CLIC5: variants seen among roughly 807,000 people sequenced by gnomAD.
The protein encoded by CLIC5 is CLIC family member 5, also known as chloride intracellular channel protein 5.
Under a neutral mutation model 24.7 loss-of-function variants are expected in CLIC5, and 20 were observed. The observed-to-expected ratio is 0.81, with a 90% CI of 0.57 to 1.18. The LOEUF is 1.18. Among genes scored for constraint, CLIC5 ranks in the 50% most tolerant of loss-of-function variants. CLIC5 has a pLI of 0.00. For missense variants in CLIC5, 341 were observed against 326.1 expected, an observed-to-expected ratio of 1.05 and a Z score of -0.35; for synonymous variants, 159 against 135.6, an observed-to-expected ratio of 1.17 and a Z score of -1.20.
At chr6:45,963,006 G>A (rs75180076) in intron 1 of CLIC5, among the ~76,000 whole-genome samples, 6 of 152,124 alleles carry the variant, frequency 3.9e-5, no homozygotes, top group Admixed American at 1.3e-4. Flanking sequence ...CATCACCACT[G>A]TCCCTTCTCC....
intron 1 of CLIC5, among the ~76,000 whole-genome samples, chr6:45,969,964 G>C (rs1765144092): frequency 6.6e-6 from 1 of 152,110 alleles, no homozygotes; most frequent in East Asian, 1.9e-4. Context: ...GTGATTGGGA[G>C]GATTAGGGGA....
chr6:46,004,857 T>C (rs1766493461), intron 1 of CLIC5, among the ~76,000 whole-genome samples: 1 of 152,088 alleles, frequency 6.6e-6, no homozygotes, highest in Non-Finnish European at 1.5e-5. Flanking sequence ...CCTGAGTCAT[T>C]TGTGACAAAG....
intron 4 of CLIC5, among the ~76,000 whole-genome samples, chr6:45,917,048 G>A (rs145790021): frequency 1.3e-5 from 2 of 152,188 alleles, no homozygotes; most frequent in African/African-American, 2.4e-5. Flanking sequence ...AAGCTTCAAG[G>A]TGTCTTGCTT....
chr6:46,107,588 A>C, the CLIC5 span, among the ~76,000 whole-genome samples: 1 of 152,248 alleles, frequency 6.6e-6, no homozygotes, highest in South Asian at 2.1e-4. Flanking sequence ...TCTGTATACA[A>C]AGTACATAAG....
At chr6:45,926,030 A>G (rs1763469911) in intron 4 of CLIC5, among the ~76,000 whole-genome samples, 2 of 152,068 alleles carry the variant, frequency 1.3e-5, no homozygotes, top group East Asian at 1.9e-4. Flanking sequence ...CAGAACATGG[A>G]TAACTATCAT....
Position 45,881,167 on chromosome 6 carries a change from C to CT in CLIC5, c.644dup (p.Ala217GlyfsTer4), listed in dbSNP as rs1172024983. On this transcript the variant is annotated frameshift_variant, in exon 7 of 7. Coordinates refer to the CLIC5 transcript ENST00000644324. LOFTEE classifies it low-confidence loss of function (END_TRUNC). ...TGCTTCTTCCTCTACTCCATGCCCC[C>CT]TTTTTTTCAACAAAAAGAAAGCTGA... is the stretch of plus-strand genomic sequence containing the variant. 2.3e-5 allele frequency: 9 copies of CT among 397,914 alleles called. No homozygotes were observed. The South Asian group carries it at 3.8e-4, about 17-fold the overall frequency. The allele number at this position is 397,914 out of a possible 1,614,324, so 24.6% of individuals were successfully genotyped here.
intron 1 of CLIC5, among the ~76,000 whole-genome samples, chr6:46,065,908 G>A (rs2127472296): frequency 6.6e-6 from 1 of 152,238 alleles, no homozygotes; most frequent in South Asian, 2.1e-4. Context: ...TTTAATGTAT[G>A]TAAATTATAT....
chr6:45,987,354 G>C (rs1257217190), intron 1 of CLIC5, among the ~76,000 whole-genome samples: 1 of 152,168 alleles, frequency 6.6e-6, no homozygotes, highest in African/African-American at 2.4e-5. Context: ...CTGCTAAACT[G>C]TGGTCTCCAT....
intron 4 of CLIC5, among the ~76,000 whole-genome samples, chr6:45,929,142 C>T (rs559236832): frequency 6.6e-6 from 1 of 152,246 alleles, no homozygotes; most frequent in East Asian, 1.9e-4. Context: ...CCCATGCCTG[C>T]CCCATTCAAC....
At chr6:46,098,594 G>A in the CLIC5 span, among the ~76,000 whole-genome samples, 13 of 152,178 alleles carry the variant, frequency 8.5e-5, no homozygotes, top group Admixed American at 2.6e-4. Flanking sequence ...TTGTGTTGGC[G>A]TTTCTTCCAC....
intron 1 of CLIC5, among the ~76,000 whole-genome samples, chr6:45,999,549 C>A (rs1766272216): frequency 6.6e-6 from 1 of 152,084 alleles, no homozygotes; most frequent in East Asian, 1.9e-4. Flanking sequence ...CACAGATCCA[C>A]TTATACATGG....
At chr6:46,112,735 G>A in the CLIC5 span, among the ~76,000 whole-genome samples, 2 of 152,136 alleles carry the variant, frequency 1.3e-5, no homozygotes, top group African/African-American at 4.8e-5. Context: ...GCATAAATGA[G>A]CTTATCAAGG....
At chr6:45,882,698 G>A (rs575709015) in intron 6 of CLIC5, among the ~76,000 whole-genome samples, 2 of 152,300 alleles carry the variant, frequency 1.3e-5, no homozygotes, top group East Asian at 1.9e-4. Flanking sequence ...AAATACTGTG[G>A]TGAGGTGATG....
chr6:46,027,348 A>G (rs577757380), intron 1 of CLIC5, among the ~76,000 whole-genome samples: 4 of 152,288 alleles, frequency 2.6e-5, no homozygotes, highest in Admixed American at 2.6e-4. Flanking sequence ...AGAGATGGGA[A>G]CAGCATGTAT....
At chr6:46,023,520 C>T (rs1203353929) in intron 1 of CLIC5, among the ~76,000 whole-genome samples, 1 of 152,074 alleles carries the variant, frequency 6.6e-6, no homozygotes, top group African/African-American at 2.4e-5. Flanking sequence ...AATGACTAGT[C>T]TTGGATAAGA....
At chr6:46,036,286 C>A (rs1036819283) in intron 1 of CLIC5, among the ~76,000 whole-genome samples, 1 of 150,302 alleles carries the variant, frequency 6.7e-6, no homozygotes, top group South Asian at 2.1e-4. Flanking sequence ...TGTCTTGTCT[C>A]CCCACCTAGA....
intron 1 of CLIC5, among the ~76,000 whole-genome samples, chr6:46,075,807 C>T (rs1040439276): frequency 5.9e-5 from 9 of 152,300 alleles, no homozygotes; most frequent in Admixed American, 2.0e-4. Context: ...TACATACATA[C>T]AGACACATTA....
chr6:46,034,066 T>C (rs1004540089), intron 1 of CLIC5, among the ~76,000 whole-genome samples: 1 of 152,112 alleles, frequency 6.6e-6, no homozygotes, highest in South Asian at 2.1e-4. Context: ...GATGCCAGAG[T>C]AGCTTCTTCC....
rs113481643 is a variant in CLIC5, at chr6:45,975,409, G to A, written c.64-20165C>T. Among the ~76,000 whole-genome samples the A allele has an allele frequency of 7.5e-3, 1,137 of 152,258 alleles. 14 individuals are homozygous for A. Among genetic ancestry groups the A allele is most frequent in the African/African-American group, 0.025 (1,036 of 41,546 alleles). ...GATGCCCACGTGGCTCCTGTCATTC[G>A]ATATGCAACTGAAACAAAAGTATTT... On this transcript the variant is annotated intron_variant, in intron 1 of 5. Coordinates refer to ENST00000339561, the MANE Select transcript of CLIC5 (RefSeq NM_016929.5).
Sources: gnomAD v4.1 joint callset for allele counts (sites outside exome capture counted in the v4.1 genomes callset) on GRCh38, gnomAD v4.1.1 for gene constraint, MANE v1.5 for transcripts, NCBI Gene and HGNC (gene_info 2026-07-23, HGNC 2026-07-21) for gene names.